Variants in WWOX observed in about 807,000 individuals in gnomAD.
WWOX encodes the protein WW domain containing oxidoreductase.
A neutral mutation model predicts 46.2 loss-of-function variants in WWOX; 69 were observed. The ratio of observed to expected loss-of-function variants is 1.49; its 90% CI spans 1.23 to 1.82. The LOEUF is 1.82. WWOX is among the 40% of genes most tolerant of loss of function. The pLI is 0.00. For missense variants in WWOX, 919 were observed against 542.6 expected, an observed-to-expected ratio of 1.69 and a Z score of -6.89; for synonymous variants, 359 against 202.6, an observed-to-expected ratio of 1.77 and a Z score of -6.56.
intron 8 of WWOX, among the ~76,000 whole-genome samples, chr16:79,002,855 G>C (rs2047120761): frequency 6.6e-6 from 1 of 152,208 alleles, no homozygotes. Flanking sequence ...TCGAGATGCT[G>C]ATTTGGAAAA....
intron 8 of WWOX, among the ~76,000 whole-genome samples, chr16:79,172,943 C>T (rs1483901815): frequency 6.6e-6 from 1 of 152,090 alleles, no homozygotes; most frequent in Non-Finnish European, 1.5e-5. Context: ...ATTGCTTGAG[C>T]CTGGGACGTC....
chr16:79,159,717 C>T (rs1417890564), intron 8 of WWOX, among the ~76,000 whole-genome samples: 2 of 152,208 alleles, frequency 1.3e-5, no homozygotes, highest in Non-Finnish European at 2.9e-5. Flanking sequence ...CAGTATTAAA[C>T]GCATGCTCAA....
At chr16:78,843,822 AG>A (rs2052226165) in intron 8 of WWOX, among the ~76,000 whole-genome samples, 1 of 152,256 alleles carries the variant, frequency 6.6e-6, no homozygotes, top group East Asian at 1.9e-4. Context: ...ACTAACCTTC[AG>A]CACAATCCCT....
At chr16:79,153,592 GCCTGTCCAAAAAGCAATAAAGAACCTCT>G (rs2050323490) in intron 8 of WWOX, among the ~76,000 whole-genome samples, 11 of 152,084 alleles carry the variant, frequency 7.2e-5, no homozygotes, top group Admixed American at 7.2e-4. Context: ...ACAATCAGTT[GCCTGTCCAAAAAGCAATAAAGAACCTCT>G]AGATTTTGTG....
intron 5 of WWOX, among the ~76,000 whole-genome samples, chr16:78,384,117 A>G (rs1393266981): frequency 2.0e-5 from 3 of 152,304 alleles, no homozygotes; most frequent in Non-Finnish European, 4.4e-5. Context: ...GGGGAAATAC[A>G]TACATGCGTT....
chr16:78,674,329 G>T (rs1249406822), intron 8 of WWOX, among the ~76,000 whole-genome samples: 1 of 148,594 alleles, frequency 6.7e-6, no homozygotes, highest in Non-Finnish European at 1.5e-5. Context: ...CTTTTCCCCA[G>T]GCTGGAGTGC....
chr16:78,894,778 T>C (rs9927852), intron 8 of WWOX, among the ~76,000 whole-genome samples: 6,605 of 152,140 alleles, frequency 0.043, 283 homozygotes, highest in Admixed American at 0.095. Context: ...CTTGAAGATG[T>C]TTATCATATG....
intron 8 of WWOX, among the ~76,000 whole-genome samples, chr16:79,051,125 G>C (rs1242394879): frequency 6.6e-6 from 1 of 152,124 alleles, no homozygotes; most frequent in Non-Finnish European, 1.5e-5. Context: ...CCTACTCCTC[G>C]GGTTGTTTCA....
chr16:78,127,789 G>T (rs1333514525), intron 4 of WWOX, among the ~76,000 whole-genome samples: 1 of 152,094 alleles, frequency 6.6e-6, no homozygotes, highest in African/African-American at 2.4e-5. Context: ...AAGTGTCAGT[G>T]TTTGAATATA....
intron 8 of WWOX, among the ~76,000 whole-genome samples, chr16:78,914,436 T>C (rs547780880): frequency 6.6e-6 from 1 of 152,206 alleles, no homozygotes; most frequent in African/African-American, 2.4e-5. Context: ...GCTTGAACGC[T>C]GTACTTTGAA....
intron 8 of WWOX, among the ~76,000 whole-genome samples, chr16:79,062,575 G>A (rs921188344): frequency 6.6e-6 from 1 of 152,138 alleles, no homozygotes; most frequent in South Asian, 2.1e-4. Flanking sequence ...ATATAAAACA[G>A]CAGGGGTGGA....
At chr16:79,208,908 C>T (rs1177849114) in intron 8 of WWOX, among the ~76,000 whole-genome samples, 1 of 152,070 alleles carries the variant, frequency 6.6e-6, no homozygotes, top group Admixed American at 6.6e-5. Flanking sequence ...GCTTAATTGT[C>T]CAGCAAGGGA....
At chr16:78,951,526 A>C (rs776129361) in intron 8 of WWOX, among the ~76,000 whole-genome samples, 1 of 152,142 alleles carries the variant, frequency 6.6e-6, no homozygotes, top group Admixed American at 6.5e-5. Context: ...TAAAGAAGTC[A>C]TGTTATTGCT....
At chr16:78,941,268 G>T (rs1406699996) in intron 8 of WWOX, among the ~76,000 whole-genome samples, 2 of 152,108 alleles carry the variant, frequency 1.3e-5, no homozygotes, top group Non-Finnish European at 2.9e-5. Context: ...GGAGGATTGG[G>T]CCCGTGCTAT....
intron 8 of WWOX, among the ~76,000 whole-genome samples, chr16:79,176,108 C>T (rs1253591514): frequency 1.3e-5 from 2 of 152,184 alleles, no homozygotes; most frequent in African/African-American, 4.8e-5. Flanking sequence ...TGTTTGCACA[C>T]CTGTGTTGCA....
At chr16:78,645,083 C>A (rs369631463) in intron 8 of WWOX, among the ~76,000 whole-genome samples, 1 of 152,158 alleles carries the variant, frequency 6.6e-6, no homozygotes, top group Non-Finnish European at 1.5e-5. Context: ...AAATTCTTCT[C>A]TAAACCCCAA....
chr16:78,594,684 G>C (rs190472937), intron 8 of WWOX, among the ~76,000 whole-genome samples: 167 of 152,110 alleles, frequency 1.1e-3, no homozygotes, highest in African/African-American at 3.9e-3. Flanking sequence ...CTCAGGGTTT[G>C]TCATGGACCA....
intron 8 of WWOX, among the ~76,000 whole-genome samples, chr16:78,635,640 A>G (rs2046549059): frequency 6.6e-6 from 1 of 152,152 alleles, no homozygotes. Flanking sequence ...TGAAGTGCTA[A>G]AAATGCTTGA....
Position 79,136,806 on chromosome 16 carries a change from A to C in WWOX, c.1057-74802A>C, listed in dbSNP as rs1170249046. Reference sequence around the variant, plus strand: ...AATTCAATAGGCACATGCCATGTACATGCCTGTGTTATGCCGGGAACTTCT... The same window carrying C: ...AATTCAATAGGCACATGCCATGTACCTGCCTGTGTTATGCCGGGAACTTCT... On this transcript the variant is annotated intron_variant, in intron 8 of 8. Transcript: ENST00000566780. 7.2e-5 allele frequency among the ~76,000 whole-genome samples: 11 copies of C among 152,220 alleles called. No individual in the cohort carries two copies. In the East Asian group the frequency reaches 1.9e-3, roughly 27 times the overall value.
Sources: allele counts gnomAD v4.1 joint callset (sites outside exome capture counted in the v4.1 genomes callset), GRCh38; gene constraint gnomAD v4.1.1; transcripts MANE v1.5; gene names NCBI Gene and HGNC (gene_info 2026-07-23, HGNC 2026-07-21).